The following RASGRF1 variants were observed in gnomAD, a reference collection of about 807,000 sequenced individuals.
RASGRF1 encodes Ras protein specific guanine nucleotide releasing factor 1.
RASGRF1 carries 40 observed loss-of-function variants against 138.7 expected under a neutral mutation model. That is an observed-to-expected ratio of 0.29 (90% confidence interval 0.22 to 0.38). RASGRF1 has a LOEUF of 0.38. RASGRF1 is among the 10% of genes least tolerant of loss of function. The pLI, the probability that RASGRF1 is intolerant of heterozygous loss-of-function variation, is 1.00. For missense variants in RASGRF1, 1,108 were observed against 1,650.4 expected, an observed-to-expected ratio of 0.67 and a Z score of 5.69; for synonymous variants, 614 against 663.2, an observed-to-expected ratio of 0.93 and a Z score of 1.14.
intron 3 of RASGRF1, among the ~76,000 whole-genome samples, chr15:79,049,863 G>A (rs754160221): frequency 1.3e-4 from 20 of 152,164 alleles, no homozygotes; most frequent in Non-Finnish European, 2.6e-4. Flanking sequence ...CTTGGACGAA[G>A]CCCTTCTGCT....
chr15:79,006,546 T>G lies in RASGRF1; in HGVS notation c.1827-112A>C. On this transcript the variant is annotated intron_variant, in intron 13 of 26. Coordinates refer to ENST00000558480, the MANE Select transcript of RASGRF1 (RefSeq NM_001145648.3). This position sits in a 1 kb window ranked among gnomAD's most constrained non-coding sequence, Gnocchi z 4.0. ...CACACACTGACAACACAGGATGGTC[T>G]TATTAAGAGAACAAGCTTGGGAAGG... 7.6e-7 allele frequency: 1 copy of G among 1,314,520 alleles called. No homozygotes were observed. The highest frequency in any genetic ancestry group is 1.0e-6 in the Non-Finnish European group (1 of 968,590). 81.4% of individuals were successfully genotyped at this position (1,314,520 alleles called of 1,614,324 possible). A position where few individuals can be genotyped will look rare whatever the true frequency, so the allele number is the denominator to read the frequency against.
Position 79,046,461 on chromosome 15 carries a change from A to G in RASGRF1, c.878+285T>C, listed in dbSNP as rs1167504850. On this transcript the variant is annotated intron_variant, in intron 5 of 26. Transcript: ENST00000558480. The surrounding 1 kb of genome is among the most constrained non-coding windows in gnomAD (Gnocchi z 5.3). ...AACCTCCCTCAAGTGGTGACAATCA[A>G]CAATGTTTCCAAACATTCCTAAGTG... Among the ~76,000 whole-genome samples, 2 of 152,230 alleles carry G rather than the reference A, an allele frequency of 1.3e-5. No individual in the cohort carries two copies. Among genetic ancestry groups the G allele is most frequent in the Non-Finnish European group, 2.9e-5 (2 of 68,042 alleles).
chr15:79,032,947 G>A lies in RASGRF1; in HGVS notation c.959-631C>T, dbSNP rs1352868962. Among the ~76,000 whole-genome samples, 1 of 152,194 alleles carries A rather than the reference G, an allele frequency of 6.6e-6. No individual in the cohort carries two copies. The highest frequency in any genetic ancestry group is 1.5e-5 in the Non-Finnish European group (1 of 68,026). Reference sequence around the variant, plus strand: ...GAAGTGGCCTATCTGAGGTCACAGGGCAAGTCAGCAGCCGGCCTGGGGCTG... The same window carrying A: ...GAAGTGGCCTATCTGAGGTCACAGGACAAGTCAGCAGCCGGCCTGGGGCTG... On this transcript the variant is annotated intron_variant, in intron 6 of 26. Transcript: ENST00000558480. The surrounding 1 kb of genome is among the most constrained non-coding windows in gnomAD (Gnocchi z 4.5).
rs1366679322 is a variant in RASGRF1 at position 79,015,309 on chromosome 15, G to T, written c.1826+18C>A. The T allele has an allele frequency of 6.2e-7, 1 of 1,602,068 alleles. No individual in the cohort carries two copies. The highest frequency in any genetic ancestry group is 8.6e-7 in the Non-Finnish European group (1 of 1,169,008). ...CTCTGGAATGCTGCCTGGTCAAGAT[G>T]GGGTTAAGGGCACTTACTTGATCAT... On this transcript the variant is annotated intron_variant, in intron 13 of 26. Coordinates refer to ENST00000558480, the MANE Select transcript of RASGRF1 (RefSeq NM_001145648.3).
intron 24 of RASGRF1, among the ~76,000 whole-genome samples, chr15:78,975,441 T>C (rs980675225): frequency 6.6e-6 from 1 of 151,236 alleles, no homozygotes; most frequent in Non-Finnish European, 1.5e-5. Context: ...CTGGAGGGGC[T>C]GCTTTGCATC....
chr15:79,033,590 T>TC (rs1313969230), intron 6 of RASGRF1, among the ~76,000 whole-genome samples: 3 of 140,482 alleles, frequency 2.1e-5, no homozygotes, highest in Non-Finnish European at 4.6e-5. Context: ...TCTTTTTTTT[T>TC]TTTTTTTTTT....
At chr15:79,039,843 C>T (rs1456699258) in intron 5 of RASGRF1, among the ~76,000 whole-genome samples, 1 of 148,342 alleles carries the variant, frequency 6.7e-6, no homozygotes, top group Non-Finnish European at 1.5e-5. Context: ...GATCTCGGCT[C>T]ACTGTAGCCT....
chr15:79,064,379 C>G (rs376801901), intron 2 of RASGRF1, 41 bp downstream of exon 2: 1 of 1,579,376 alleles, frequency 6.3e-7, no homozygotes, highest in Non-Finnish European at 8.7e-7. Context: ...TCTGCCTGGA[C>G]TGTGGAGTAG....
At chr15:79,004,641 C>G in intron 14 of RASGRF1, 1 of 987,572 alleles carries the variant, frequency 1.0e-6, no homozygotes, top group Non-Finnish European at 1.2e-6. Flanking sequence ...AACGCAGGGT[C>G]CTTTCCACCT....
chr15:79,017,291 G>A (rs1284678111), intron 12 of RASGRF1, among the ~76,000 whole-genome samples: 1 of 152,200 alleles, frequency 6.6e-6, no homozygotes, highest in African/African-American at 2.4e-5. Flanking sequence ...TTAGGTAGCT[G>A]CCCCGACTCA....
chr15:78,996,876 G>T (rs1255390342), intron 19 of RASGRF1, among the ~76,000 whole-genome samples: 3 of 152,236 alleles, frequency 2.0e-5, no homozygotes, highest in African/African-American at 7.2e-5. Flanking sequence ...GGCTGGGGAG[G>T]ATGTCTGGGC....
chr15:79,055,239 G>A (rs1187516184), intron 3 of RASGRF1, among the ~76,000 whole-genome samples: 1 of 152,128 alleles, frequency 6.6e-6, no homozygotes, highest in Admixed American at 6.5e-5. Context: ...CACTCACATG[G>A]CTTTTCAGTG....
rs758799266 is a variant in RASGRF1 at position 79,032,080 on chromosome 15, T to C, written c.1152+43A>G. On this transcript the variant is annotated intron_variant, in intron 7 of 26. Transcript: ENST00000558480. This position sits in a 1 kb window ranked among gnomAD's most constrained non-coding sequence, Gnocchi z 4.5. ...ACCGCCATGGTCCATCCCCCACACC[T>C]GCCTCCCTGACTCTACCCCACCCAG... 23 of 1,588,370 alleles carry C rather than the reference T, an allele frequency of 1.4e-5. 1 individual carries two copies. In the South Asian group the frequency reaches 1.6e-4, roughly 11 times the overall value.
intron 2 of RASGRF1, among the ~76,000 whole-genome samples, chr15:79,062,540 T>A (rs2057621755): frequency 6.6e-6 from 1 of 152,118 alleles, no homozygotes; most frequent in South Asian, 2.1e-4. Context: ...TATTTTTATT[T>A]TTTTTATTTT....
rs2141121930 is a variant in RASGRF1 at position 79,090,645 on chromosome 15, G to C, written c.-147C>G. ...CCTCCCCCCAAATATCTACACTCCA[G>C]GATCTGGCGCCGAGCCGCGGCTTCT... On this transcript the variant is annotated 5_prime_UTR_variant, in exon 1 of 27. Transcript: ENST00000558480. 8.7e-7 allele frequency: 1 copy of C among 1,150,464 alleles called. No individual in the cohort carries two copies. The highest frequency in any genetic ancestry group is 1.2e-6 in the Non-Finnish European group (1 of 824,716). 71.3% of individuals were successfully genotyped at this position (1,150,464 alleles called of 1,614,324 possible).
intron 10 of RASGRF1, among the ~76,000 whole-genome samples, chr15:79,025,029 G>A (rs2057026423): frequency 6.6e-6 from 1 of 150,672 alleles, no homozygotes; most frequent in African/African-American, 2.5e-5. Flanking sequence ...CCTTTTAGGG[G>A]TCTGTCCAGG....
chr15:79,019,290 G>C (rs551288878), intron 11 of RASGRF1, among the ~76,000 whole-genome samples: 1 of 152,280 alleles, frequency 6.6e-6, no homozygotes, highest in Non-Finnish European at 1.5e-5. Context: ...GTGAAGAAGG[G>C]AAATGAGTGC....
chr15:79,053,671 T>TTACACG (rs1348787549), intron 3 of RASGRF1, among the ~76,000 whole-genome samples: 2 of 152,184 alleles, frequency 1.3e-5, no homozygotes, highest in Non-Finnish European at 2.9e-5. Flanking sequence ...CTTAGTAAAG[T>TTACACG]TACACGTGTG....
intron 13 of RASGRF1, among the ~76,000 whole-genome samples, chr15:79,008,363 G>A (rs887501095): frequency 2.0e-5 from 3 of 152,218 alleles, no homozygotes; most frequent in African/African-American, 7.2e-5. Context: ...CACAGGGCCC[G>A]TAAAGATACT....
Sources: gnomAD v4.1 joint callset for allele counts (sites outside exome capture counted in the v4.1 genomes callset) on GRCh38, gnomAD v4.1.1 for gene constraint, Gnocchi (gnomAD v3.1) non-coding constraint, MANE v1.5 for transcripts, NCBI Gene and HGNC (gene_info 2026-07-23, HGNC 2026-07-21) for gene names.